The following SEL1L3 variants were observed in gnomAD, a reference collection of about 807,000 sequenced individuals.
SEL1L3 encodes protein sel-1 homolog 3.
In SEL1L3, 76 loss-of-function variants were observed where a neutral mutation model predicts 142.8. That is an observed-to-expected ratio of 0.53 (90% CI 0.44 to 0.64). SEL1L3 has a LOEUF of 0.64. Among genes scored for constraint, SEL1L3 ranks in the 30% least tolerant of loss-of-function variants. The probability of loss-of-function intolerance (pLI) is 0.00; values close to 1 mark genes in which losing one functional copy is unlikely to be tolerated. For missense variants in SEL1L3, 1,262 were observed against 1,381.7 expected (o/e 0.91, Z 1.37); for synonymous variants, 504 against 519.6 (o/e 0.97, Z 0.41).
intron 1 of SEL1L3, among the ~76,000 whole-genome samples, chr4:25,852,343 G>T (rs1048944230): frequency 6.6e-6 from 1 of 152,158 alleles, no homozygotes; most frequent in Non-Finnish European, 1.5e-5. Context: ...TATCAATGGT[G>T]ACTAATGGTC....
At chr4:25,851,568 A>G (rs1284006290) in intron 1 of SEL1L3, among the ~76,000 whole-genome samples, 1 of 151,898 alleles carries the variant, frequency 6.6e-6, no homozygotes, top group Non-Finnish European at 1.5e-5. Context: ...TTTTTTTTTA[A>G]GTAGGTGAGG....
Position 25,780,280 on chromosome 4 carries a change from T to C in SEL1L3, c.2458-1077A>G, listed in dbSNP as rs531652944. 2.0e-5 allele frequency among the ~76,000 whole-genome samples: 3 copies of C among 152,106 alleles called. No homozygotes were observed. The South Asian group carries it at 6.2e-4, about 32-fold the overall frequency. On this transcript the variant is annotated intron_variant, in intron 15 of 23. Coordinates refer to ENST00000399878, the MANE Select transcript of SEL1L3 (RefSeq NM_015187.5). ...CCCTGGTCTCGCCCACTGCCCTCTC[T>C]CACTTGGATCCAATGCATGAACCCC...
At chr4:25,862,305 T>C (rs999424611) in intron 1 of SEL1L3, among the ~76,000 whole-genome samples, 1 of 14,614 alleles carries the variant, frequency 6.8e-5, no homozygotes, top group Non-Finnish European at 1.3e-4. Context: ...CCAGGAGGGG[T>C]GGGGGGTTGG....
chr4:25,757,500 TAATATA>T, intron 23 of SEL1L3, 28 bp downstream of exon 23: 1 of 1,114,308 alleles, frequency 9.0e-7, no homozygotes, highest in Non-Finnish European at 1.2e-6. Context: ...TTTTTTTTTT[TAATATA>T]TTGCTTTCGC....
Position 25,757,668 on chromosome 4 carries a change from C to A in SEL1L3, c.3186+20G>T. ...AGGGCAGGGGCCACAAGGGTGGGGC[C>A]GGTGGGACATGAAACCTACCAGGGC... is the stretch of plus-strand genomic sequence containing the variant. On this transcript the variant is annotated intron_variant, in intron 22 of 23. Coordinates refer to ENST00000399878, the MANE Select transcript of SEL1L3 (RefSeq NM_015187.5). 6.4e-7 allele frequency: 1 copy of A among 1,571,010 alleles called. No individual in the cohort carries two copies. Among genetic ancestry groups the A allele is most frequent in the Non-Finnish European group, 8.6e-7 (1 of 1,158,124 alleles).
At chr4:25,811,787 C>T (rs1714049871) in intron 9 of SEL1L3, among the ~76,000 whole-genome samples, 1 of 146,724 alleles carries the variant, frequency 6.8e-6, no homozygotes, top group Non-Finnish European at 1.5e-5. Context: ...TTGTTAGTAG[C>T]CATCCTCATG....
rs569957461 is a variant in SEL1L3, at chr4:25,838,319, T to C, written c.734-2996A>G. ...AGAATGCCAGGAAAACAGTTGATGT[T>C]AGGAACCCTTTGCTGTTTTGCTTGT... On this transcript the variant is annotated intron_variant, in intron 2 of 23. Coordinates refer to ENST00000399878, the MANE Select transcript of SEL1L3 (RefSeq NM_015187.5). Among the ~76,000 whole-genome samples the C allele has an allele frequency of 6.6e-5, 10 of 152,372 alleles. No individual in the cohort carries two copies. In the South Asian group the frequency reaches 1.9e-3, roughly 28 times the overall value.
At chr4:25,763,472 A>G (rs1309576359) in intron 20 of SEL1L3, among the ~76,000 whole-genome samples, 1 of 152,206 alleles carries the variant, frequency 6.6e-6, no homozygotes, top group Non-Finnish European at 1.5e-5. Context: ...ACAAAGAGCT[A>G]TGGAGTGAGA....
At chr4:25,779,291 TGATTA>T in intron 15 of SEL1L3, 88 bp from the exon 16 acceptor site, 15 of 1,446,230 alleles carry the variant, frequency 1.0e-5, no homozygotes, top group Non-Finnish European at 1.4e-5. Context: ...AAGCCTGATA[TGATTA>T]CAGGCTTATA....
In SEL1L3 at chr4:25,812,345, G is replaced by A. The variant is rs569669823; in HGVS notation, c.1564+5793C>T. On this transcript the variant is annotated intron_variant, in intron 9 of 23. Coordinates refer to ENST00000399878, the MANE Select transcript of SEL1L3 (RefSeq NM_015187.5). ...CTTCTCTGATGCCCCCCTTGCCACA[G>A]TGTAGGCATCCCCTTTACCAGAACT... Among the ~76,000 whole-genome samples, 7 of 152,282 alleles carry A rather than the reference G, an allele frequency of 4.6e-5. No individual in the cohort carries two copies. In the South Asian group the frequency reaches 1.5e-3, roughly 32 times the overall value.
the SEL1L3 span, among the ~76,000 whole-genome samples, chr4:25,734,598 T>G: frequency 3.0e-3 from 462 of 152,254 alleles, 3 homozygotes; most frequent in African/African-American, 0.011. Flanking sequence ...TGAGACAGTC[T>G]CACTCTGTTT....
chr4:25,834,616 G>C (rs1463628770), intron 3 of SEL1L3, among the ~76,000 whole-genome samples: 1 of 152,170 alleles, frequency 6.6e-6, no homozygotes, highest in African/African-American at 2.4e-5. Context: ...ATGAAGATAA[G>C]TTATTACAAG....
chr4:25,850,251 C>T (rs190036703), intron 1 of SEL1L3, among the ~76,000 whole-genome samples: 7 of 152,230 alleles, frequency 4.6e-5, no homozygotes, highest in Admixed American at 4.6e-4. Flanking sequence ...GGTGGTGTCT[C>T]CCTTTTAAAG....
At position 25,792,372 on chromosome 4, in the gene SEL1L3, G is replaced by A. The variant is rs149136910; in HGVS notation, c.1957-1798C>T. ...GACTCCAAAGACACAGCTCTCTGGC[G>A]CTCCCATGGGATGTCGCCCTCTAGT... On this transcript the variant is annotated intron_variant, in intron 11 of 23. Coordinates refer to ENST00000399878, the MANE Select transcript of SEL1L3 (RefSeq NM_015187.5). Among the ~76,000 whole-genome samples the A allele has an allele frequency of 9.9e-3, 1,501 of 152,288 alleles. 25 individuals are homozygous for A. Among genetic ancestry groups the A allele is most frequent in the African/African-American group, 0.033 (1,368 of 41,548 alleles).
At chr4:25,858,240 T>C (rs1326673645) in intron 1 of SEL1L3, among the ~76,000 whole-genome samples, 1 of 152,222 alleles carries the variant, frequency 6.6e-6, no homozygotes, top group Non-Finnish European at 1.5e-5. Context: ...GCCAACACCA[T>C]GGCTTGGGAA....
chr4:25,797,335 C>T (rs971421692), intron 11 of SEL1L3, among the ~76,000 whole-genome samples: 2 of 152,138 alleles, frequency 1.3e-5, no homozygotes, highest in Admixed American at 6.5e-5. Flanking sequence ...AGTTGTGGAG[C>T]CTGCACTTCA....
At chr4:25,746,689 T>A (rs1372092606), downstream of SEL1L3, among the ~76,000 whole-genome samples, 1 of 151,720 alleles carries the variant, frequency 6.6e-6, no homozygotes, top group Admixed American at 6.6e-5. Flanking sequence ...ACGTAAGACA[T>A]GTCTGCTTCT....
At chr4:25,833,239 C>T (rs989490579) in intron 4 of SEL1L3, 129 bp from the exon 5 acceptor site, 13 of 713,688 alleles carry the variant, frequency 1.8e-5, no homozygotes, top group South Asian at 9.0e-5. Context: ...AACCCAAACA[C>T]GCATTTATAA....
intron 17 of SEL1L3, among the ~76,000 whole-genome samples, chr4:25,775,144 G>A (rs888653289): frequency 6.6e-6 from 1 of 152,186 alleles, no homozygotes; most frequent in South Asian, 2.1e-4. Flanking sequence ...ACAAGATAAA[G>A]CATCACAAAA....
Sources: gnomAD v4.1 joint callset for allele counts (sites outside exome capture counted in the v4.1 genomes callset) on GRCh38, gnomAD v4.1.1 for gene constraint, MANE v1.5 for transcripts, NCBI Gene and HGNC (gene_info 2026-07-23, HGNC 2026-07-21) for gene names.